Variants in TECR observed in about 807,000 individuals in gnomAD.
TECR encodes trans-2,3-enoyl-CoA reductase, also known as very-long-chain enoyl-CoA reductase.
A neutral mutation model predicts 50.6 loss-of-function variants in TECR; 19 were observed. The observed-to-expected ratio is 0.38, with a 90% CI of 0.26 to 0.55. TECR has a LOEUF of 0.55. Ranked by LOEUF, TECR falls within the 20% of genes least tolerant of loss-of-function variation. TECR has a pLI of 0.79. For missense variants in TECR, 313 were observed against 408.3 expected (o/e 0.77, Z 2.01); for synonymous variants, 168 against 163.5 (o/e 1.03, Z -0.21).
At chr19:14,538,778 G>A (rs2420530) in intron 1 of TECR, among the ~76,000 whole-genome samples, 2,165 of 151,882 alleles carry the variant, frequency 0.014, 29 homozygotes, top group Non-Finnish European at 0.018. Context: ...TGATCCACCC[G>A]CCTCAGCCTC....
At chr19:14,533,117 A>C (rs1228207662) in intron 1 of TECR, among the ~76,000 whole-genome samples, 3 of 149,768 alleles carry the variant, frequency 2.0e-5, no homozygotes, top group Non-Finnish European at 4.4e-5. Flanking sequence ...GTTTTAAAAA[A>C]AATAAATAAA....
intron 1 of TECR, among the ~76,000 whole-genome samples, chr19:14,546,645 C>CT (rs2073316584): frequency 6.6e-6 from 1 of 152,164 alleles, no homozygotes; most frequent in African/African-American, 2.4e-5. Flanking sequence ...TCTTTCTATG[C>CT]TTAGAACCTT....
intron 1 of TECR, among the ~76,000 whole-genome samples, chr19:14,560,761 C>T (rs531342967): frequency 5.3e-5 from 8 of 152,254 alleles, no homozygotes; most frequent in Middle Eastern, 3.4e-3. Flanking sequence ...GAAGTGGGGG[C>T]GAGTGTGTCA....
intron 7 of TECR, 37 bp downstream of exon 7, chr19:14,564,324 CT>C: frequency 6.6e-7 from 1 of 1,510,528 alleles, no homozygotes; most frequent in Non-Finnish European, 8.9e-7. Flanking sequence ...TAAGCCCCGC[CT>C]TTCTGCCCCA....
chr19:14,564,540 A>G (rs1161548295), intron 7 of TECR, among the ~76,000 whole-genome samples: 1 of 37,210 alleles, frequency 2.7e-5, no homozygotes. Flanking sequence ...GGCACCGCCT[A>G]TCCCCCCAGC....
rs377724067 is a variant in TECR, at chr19:14,529,631, G to C, written c.-66G>C. 7.8e-5 allele frequency: 125 copies of C among 1,612,672 alleles called. No homozygotes were observed. Among genetic ancestry groups the C allele is most frequent in the Non-Finnish European group, 9.7e-5 (114 of 1,179,148 alleles). The stretch of plus-strand genomic sequence containing the variant: ...GCTGCGGTTGCGAGCGCTGTAGGGA[G>C]CCTGTGCTGTGCCGCGCAGTTAGGC... On this transcript the variant is annotated 5_prime_UTR_variant, in exon 1 of 13. Transcript: ENST00000215567.
At chr19:14,550,351 T>C (rs2073454420) in intron 1 of TECR, among the ~76,000 whole-genome samples, 1 of 152,156 alleles carries the variant, frequency 6.6e-6, no homozygotes. Flanking sequence ...TCTAGGCTCT[T>C]TGGCAAGCTG....
intron 1 of TECR, among the ~76,000 whole-genome samples, chr19:14,550,454 C>T (rs549220218): frequency 8.5e-5 from 13 of 152,220 alleles, no homozygotes; most frequent in African/African-American, 3.1e-4. Flanking sequence ...CAGTTTGTAT[C>T]TGCAGGGCTC....
intron 1 of TECR, among the ~76,000 whole-genome samples, chr19:14,558,086 C>G (rs2073794180): frequency 1.3e-5 from 2 of 152,132 alleles, no homozygotes; most frequent in African/African-American, 4.8e-5. Context: ...TTATCCTAAA[C>G]TGGGGATGAT....
At position 14,537,979 on chromosome 19, in the gene TECR, C is replaced by T. The variant is rs552544165; in HGVS notation, c.15+8268C>T. ...CAGGCTGGTCTGAAACTCTTGACCT[C>T]AGGTGATCCGCCCAACTTGGCCTCC... On this transcript the variant is annotated intron_variant, in intron 1 of 12. Coordinates refer to ENST00000215567, the MANE Select transcript of TECR (RefSeq NM_138501.6). Among the ~76,000 whole-genome samples, 250 of 152,080 alleles carry T rather than the reference C, an allele frequency of 1.6e-3. 1 individual carries two copies. The highest frequency in any genetic ancestry group is 1.8e-3 in the Non-Finnish European group (121 of 68,012).
Position 14,556,926 on chromosome 19 carries a change from G to C in TECR, c.16-5599G>C, listed in dbSNP as rs188730001. Among the ~76,000 whole-genome samples, 185 of 152,226 alleles carry C rather than the reference G, an allele frequency of 1.2e-3. 1 individual carries two copies. Among genetic ancestry groups the C allele is most frequent in the African/African-American group, 4.4e-3 (181 of 41,552 alleles). On this transcript the variant is annotated intron_variant, in intron 1 of 12. Transcript: ENST00000215567. Reference sequence around the variant, plus strand: ...TCTGCACCGAAAGTATCTCGCTATTGTTAGGGTTTGGGTTCACTGTGACCA... The same window carrying C: ...TCTGCACCGAAAGTATCTCGCTATTCTTAGGGTTTGGGTTCACTGTGACCA...
chr19:14,558,342 T>C (rs1176476388), intron 1 of TECR, among the ~76,000 whole-genome samples: 1 of 152,150 alleles, frequency 6.6e-6, no homozygotes, highest in Non-Finnish European at 1.5e-5. Flanking sequence ...ACAAAGACAG[T>C]GAAGACGGGC....
chr19:14,530,652 G>A (rs1442415996), intron 1 of TECR: 1 of 152,140 alleles, frequency 6.6e-6, no homozygotes, highest in Non-Finnish European at 1.5e-5. Flanking sequence ...ATGCAAAACA[G>A]ATAGGGGAAC....
At chr19:14,555,202 T>A (rs1462092191) in intron 1 of TECR, among the ~76,000 whole-genome samples, 9 of 151,690 alleles carry the variant, frequency 5.9e-5, no homozygotes, top group African/African-American at 1.9e-4. Context: ...TCACAGCCCC[T>A]GAGGAGTAGG....
chr19:14,542,908 C>T (rs10418939), intron 1 of TECR, among the ~76,000 whole-genome samples: 50,445 of 151,792 alleles, frequency 0.33, 8,965 homozygotes, highest in Non-Finnish European at 0.41. Context: ...CAGGCTCTTA[C>T]GTAAGCAGAG....
At chr19:14,549,443 T>G (rs1289679335) in intron 1 of TECR, among the ~76,000 whole-genome samples, 1 of 151,910 alleles carries the variant, frequency 6.6e-6, no homozygotes, top group African/African-American at 2.4e-5. Flanking sequence ...GAACTCCTAG[T>G]CTTGAAGACC....
chr19:14,565,051 C>G lies in TECR; in HGVS notation c.607-15C>G. On this transcript the variant is annotated splice_polypyrimidine_tract_variant and intron_variant, in intron 9 of 12. Coordinates refer to ENST00000215567, the MANE Select transcript of TECR (RefSeq NM_138501.6). ...GAGTCTGGGCGGCCCTAGGCTGATC[C>G]TGCTTCTCTGACAGATCTGCCAGCT... 1 of 1,613,926 alleles carries G rather than the reference C, an allele frequency of 6.2e-7. No individual in the cohort carries two copies. The highest frequency in any genetic ancestry group is 2.2e-5 in the East Asian group (1 of 44,868).
rs150298382 is a variant in TECR, at chr19:14,537,516, G to A, written c.15+7805G>A. ...AAAGGCCTTGCGACTCTGATAAGGTGGTTGGGTTTGGTCGGGAATCCTGCA... is the reference window on the plus strand; with the variant it reads ...AAAGGCCTTGCGACTCTGATAAGGTAGTTGGGTTTGGTCGGGAATCCTGCA... On this transcript the variant is annotated intron_variant, in intron 1 of 12. Transcript: ENST00000215567. Among the ~76,000 whole-genome samples the A allele has an allele frequency of 3.4e-3, 520 of 152,204 alleles. 4 individuals are homozygous for A. Among genetic ancestry groups the A allele is most frequent in the African/African-American group, 0.011 (444 of 41,518 alleles).
At chr19:14,553,961 G>A (rs751233381) in intron 1 of TECR, among the ~76,000 whole-genome samples, 10 of 152,178 alleles carry the variant, frequency 6.6e-5, no homozygotes, top group Non-Finnish European at 1.2e-4. Flanking sequence ...CCCCAGACTC[G>A]GGAGATGCTT....
Sources: allele counts gnomAD v4.1 joint callset (sites outside exome capture counted in the v4.1 genomes callset), GRCh38; gene constraint gnomAD v4.1.1; transcripts MANE v1.5; gene names NCBI Gene and HGNC (gene_info 2026-07-23, HGNC 2026-07-21).